The following ZNF664 variants were observed in gnomAD, a reference collection of about 807,000 sequenced individuals.
ZNF664 encodes the protein zinc finger Organ of Corti 1.
ZNF664 carries 10 observed loss-of-function variants against 18.2 expected under a neutral mutation model. The ratio of observed to expected loss-of-function variants is 0.55; its 90% confidence interval spans 0.34 to 0.93. The LOEUF (loss-of-function observed/expected upper bound fraction) is 0.93. Ranked by LOEUF, ZNF664 falls within the 40% of genes least tolerant of loss-of-function variation. The pLI is 0.02. For missense variants in ZNF664, 193 were observed against 319.0 expected, an observed-to-expected ratio of 0.61 and a Z score of 3.01; for synonymous variants, 119 against 104.2, an observed-to-expected ratio of 1.14 and a Z score of -0.86.
At chr12:123,990,185 A>G (rs1024990742) in intron 3 of ZNF664, among the ~76,000 whole-genome samples, 12 of 152,208 alleles carry the variant, frequency 7.9e-5, no homozygotes, top group African/African-American at 2.9e-4. Context: ...TGCAAGATGA[A>G]AAAGCTCTGG....
chr12:123,996,593 C>T (rs1008974937), intron 3 of ZNF664, among the ~76,000 whole-genome samples: 5 of 152,000 alleles, frequency 3.3e-5, no homozygotes, highest in African/African-American at 7.3e-5. Flanking sequence ...GATACTTCCA[C>T]GGAATGGAAA....
chr12:123,996,877 A>T (rs1158913899), intron 3 of ZNF664, among the ~76,000 whole-genome samples: 1 of 152,134 alleles, frequency 6.6e-6, no homozygotes, highest in African/African-American at 2.4e-5. Context: ...CAAAACCCCC[A>T]TTCACTCTGG....
chr12:124,007,981 A>G (rs1594574461), intron 3 of ZNF664, among the ~76,000 whole-genome samples: 1 of 152,228 alleles, frequency 6.6e-6, no homozygotes, highest in Non-Finnish European at 1.5e-5. Context: ...AGTTAACAGC[A>G]CACAGTGTAA....
At chr12:123,985,621 A>G (rs149349528) in intron 2 of ZNF664, among the ~76,000 whole-genome samples, 2,485 of 152,346 alleles carry the variant, frequency 0.016, 71 homozygotes, top group African/African-American at 0.057. Flanking sequence ...GTGGTAAAAT[A>G]ACTGTGTTTA....
chr12:123,992,276 G>A (rs116528113), intron 3 of ZNF664, among the ~76,000 whole-genome samples: 2 of 152,188 alleles, frequency 1.3e-5, no homozygotes, highest in Non-Finnish European at 1.5e-5. Context: ...ACTGTTGTCA[G>A]TTTCTCTCCT....
intron 2 of ZNF664, among the ~76,000 whole-genome samples, chr12:123,976,334 G>A (rs1040197017): frequency 9.2e-5 from 14 of 152,214 alleles, no homozygotes; most frequent in African/African-American, 3.4e-4. Context: ...GTAGGTGTTA[G>A]TGTGGAGGAA....
chr12:123,990,482 G>GACC (rs1956876749), intron 3 of ZNF664, among the ~76,000 whole-genome samples: 1 of 152,246 alleles, frequency 6.6e-6, no homozygotes, highest in Admixed American at 6.5e-5. Context: ...GGGCCCCTGT[G>GACC]ACCTTCAGGT....
chr12:123,974,742 T>TG (rs1190189295), intron 2 of ZNF664, among the ~76,000 whole-genome samples: 3 of 152,236 alleles, frequency 2.0e-5, no homozygotes, highest in Non-Finnish European at 4.4e-5. Flanking sequence ...CAAGGACTGT[T>TG]GCACCGTAAC....
At chr12:123,982,957 C>A (rs1293967246) in intron 2 of ZNF664, among the ~76,000 whole-genome samples, 1 of 152,098 alleles carries the variant, frequency 6.6e-6, no homozygotes, top group Non-Finnish European at 1.5e-5. Context: ...GAGTTTGAGA[C>A]CAGCCTGGGC....
At chr12:123,981,815 A>G (rs1257364035) in intron 2 of ZNF664, among the ~76,000 whole-genome samples, 1 of 152,256 alleles carries the variant, frequency 6.6e-6, no homozygotes, top group African/African-American at 2.4e-5. Context: ...ACTAGATACT[A>G]TACATAGCTA....
At chr12:124,002,277 G>A (rs1957021313) in intron 3 of ZNF664, among the ~76,000 whole-genome samples, 2 of 152,256 alleles carry the variant, frequency 1.3e-5, no homozygotes, top group Middle Eastern at 3.4e-3. Flanking sequence ...AGATGAGGGA[G>A]GCTGGTGTGT....
chr12:123,986,291 T>A (rs1406792802), intron 2 of ZNF664, among the ~76,000 whole-genome samples: 1 of 152,190 alleles, frequency 6.6e-6, no homozygotes, highest in Non-Finnish European at 1.5e-5. Flanking sequence ...TATTGGAGGA[T>A]GCATGTGGAT....
chr12:124,010,195 C>A (rs78410646), intron 3 of ZNF664, among the ~76,000 whole-genome samples: 6,329 of 152,118 alleles, frequency 0.042, 409 homozygotes, highest in African/African-American at 0.13. Context: ...ATTTTGGGGA[C>A]CTAATTGAAT....
At chr12:123,985,792 A>G (rs1049133737) in intron 2 of ZNF664, among the ~76,000 whole-genome samples, 1 of 152,212 alleles carries the variant, frequency 6.6e-6, no homozygotes, top group African/African-American at 2.4e-5. Flanking sequence ...AAGATCTGTG[A>G]AGGCCTTAAG....
chr12:123,973,338 C>G lies in ZNF664; in HGVS notation c.-906C>G. 1 of 983,792 alleles carries G rather than the reference C, an allele frequency of 1.0e-6. No individual in the cohort carries two copies. Among genetic ancestry groups the G allele is most frequent in the South Asian group, 4.7e-5 (1 of 21,248 alleles). 60.9% of individuals were successfully genotyped at this position (983,792 alleles called of 1,614,324 possible). On this transcript the variant is annotated 5_prime_UTR_variant, in exon 1 of 5. Transcript: ENST00000337815. Reference sequence around the variant, plus strand: ...CGGCGCCCGCGGCCTGGGGCGCTGACTCCCCTCACTTGGAGTGAGTTCTCG... The same window carrying G: ...CGGCGCCCGCGGCCTGGGGCGCTGAGTCCCCTCACTTGGAGTGAGTTCTCG...
At position 123,973,305 on chromosome 12, in the gene ZNF664, T is replaced by G. The variant is rs1237662458; in HGVS notation, c.-939T>G. The G allele has an allele frequency of 3.8e-6, 3 of 797,198 alleles. No homozygotes were observed. The highest frequency in any genetic ancestry group is 4.0e-5 in the African/African-American group (2 of 49,556). 49.4% of individuals were successfully genotyped at this position (797,198 alleles called of 1,614,324 possible). A position where few individuals can be genotyped will look rare whatever the true frequency, so the allele number is the denominator to read the frequency against. On this transcript the variant is annotated 5_prime_UTR_variant, in exon 1 of 5. Coordinates refer to ENST00000337815, the MANE Select transcript of ZNF664 (RefSeq NM_152437.3). ...TGAGGTGTCCCTGAGGAGAGGGAGG[T>G]GGGTGCGCGGCGCCCGCGGCCTGGG...
Position 124,012,770 on chromosome 12 carries a change from G to A in ZNF664, c.626G>A (p.Ser209Asn). 6.2e-7 allele frequency: 1 copy of A among 1,613,016 alleles called. No homozygotes were observed. Among genetic ancestry groups the A allele is most frequent in the Non-Finnish European group, 8.5e-7 (1 of 1,179,318 alleles). Reference protein sequence around the residue: ...YRCCGCGKAFSQSSSLCIHQR... With the variant: ...YRCCGCGKAFNQSSSLCIHQR... ...TGTTGTGGATGTGGGAAGGCCTTCAGTCAGAGTTCGAGCCTGTGCATCCAC... is the reference window on the plus strand; with the variant it reads ...TGTTGTGGATGTGGGAAGGCCTTCAATCAGAGTTCGAGCCTGTGCATCCAC... Residue 209 changes from serine to asparagine, a missense_variant, in exon 5 of 5, where the codon AGT becomes AAT. Coordinates refer to ENST00000337815, the MANE Select transcript of ZNF664 (RefSeq NM_152437.3).
chr12:124,003,814 G>A (rs1027485694), intron 3 of ZNF664, among the ~76,000 whole-genome samples: 1 of 152,222 alleles, frequency 6.6e-6, no homozygotes, highest in African/African-American at 2.4e-5. Context: ...GCAATTTAAA[G>A]TATTGGGAAA....
intron 3 of ZNF664, among the ~76,000 whole-genome samples, chr12:124,005,241 C>T (rs999769014): frequency 1.3e-5 from 2 of 152,142 alleles, no homozygotes; most frequent in Non-Finnish European, 2.9e-5. Flanking sequence ...GTTAAGAAAC[C>T]GTGAGCTTTT....
Sources: allele counts gnomAD v4.1 joint callset (sites outside exome capture counted in the v4.1 genomes callset), GRCh38; gene constraint gnomAD v4.1.1; transcripts MANE v1.5; gene names NCBI Gene and HGNC (gene_info 2026-07-23, HGNC 2026-07-21).